Variants in GPHN observed in about 807,000 individuals in gnomAD.
GPHN encodes the protein gephyrin.
In GPHN, 17 loss-of-function variants were observed where a neutral mutation model predicts 95.5. That is an observed-to-expected ratio of 0.18 (90% CI 0.12 to 0.27). The LOEUF is 0.27. Ranked by LOEUF, GPHN falls within the 10% of genes least tolerant of loss-of-function variation. The probability of loss-of-function intolerance (pLI) is 1.00; values close to 1 mark genes in which losing one functional copy is unlikely to be tolerated. For synonymous variants in GPHN, 320 were observed against 322.5 expected (o/e 0.99, Z 0.08); for missense variants, 660 against 978.1 (o/e 0.67, Z 4.34).
the GPHN span, among the ~76,000 whole-genome samples, chr14:67,546,308 C>T: frequency 2.0e-5 from 3 of 152,196 alleles, no homozygotes; most frequent in East Asian, 3.9e-4. Flanking sequence ...TAAGGGTTGA[C>T]GAAGCCGAAT....
Position 67,023,662 on chromosome 14 carries a change from C to G in GPHN, c.993C>G (p.Asn331Lys). The G allele has an allele frequency of 6.2e-7, 1 of 1,612,948 alleles. No homozygotes were observed. The highest frequency in any genetic ancestry group is 8.5e-7 in the Non-Finnish European group (1 of 1,179,094). ...AGTCCAGGTGCAGCAGCAAGGAGAA[C>G]ATTCTCAGAGCCAGTAAGTATTTTA... ...KVQSRCSSKE[N>K]ILRASHSAVD... The change falls in exon 10 of 23, where the codon AAC (asparagine) becomes AAG (lysine). Residue 331 changes from asparagine to lysine, a missense_variant. This residue lies in a region of GPHN where 190 missense variants were observed against 224.7 expected (regional missense o/e 0.85). Coordinates refer to ENST00000478722, the MANE Select transcript of GPHN (RefSeq NM_020806.5).
the GPHN span, among the ~76,000 whole-genome samples, chr14:67,418,933 G>T: frequency 1.3e-5 from 2 of 152,168 alleles, no homozygotes; most frequent in South Asian, 4.1e-4. Flanking sequence ...GGCTTTGCTG[G>T]GGATGAGAGC....
chr14:67,423,034 T>C, the GPHN span, among the ~76,000 whole-genome samples: 1 of 151,916 alleles, frequency 6.6e-6, no homozygotes, highest in Non-Finnish European at 1.5e-5. Context: ...GGTTTCTTCA[T>C]GTTGTTCAGG....
chr14:67,278,336 C>A, the GPHN span, among the ~76,000 whole-genome samples: 2 of 149,906 alleles, frequency 1.3e-5, no homozygotes, highest in African/African-American at 5.0e-5. Context: ...GCACCCGGCC[C>A]AATTCTTTTT....
chr14:67,400,419 G>T, the GPHN span, among the ~76,000 whole-genome samples: 1 of 152,134 alleles, frequency 6.6e-6, no homozygotes, highest in African/African-American at 2.4e-5. Flanking sequence ...CATGTTTAAA[G>T]AAACAAAAAA....
the GPHN span, among the ~76,000 whole-genome samples, chr14:67,288,092 T>C: frequency 2.0e-5 from 3 of 151,992 alleles, no homozygotes; most frequent in East Asian, 5.8e-4. Context: ...CCTTTTTTTT[T>C]CCTTCGAGAC....
chr14:67,183,975 T>A (rs551222259), downstream of GPHN, among the ~76,000 whole-genome samples: 10 of 152,168 alleles, frequency 6.6e-5, no homozygotes, highest in South Asian at 1.7e-3. Flanking sequence ...CATCTCAGCC[T>A]CCTGAGTAGC....
the GPHN span, chr14:67,387,232 T>G: frequency 1.6e-6 from 2 of 1,229,500 alleles, no homozygotes; most frequent in Admixed American, 5.1e-5. Flanking sequence ...GTACAAAACT[T>G]ACAAAGAAGT....
At chr14:66,697,002 A>G (rs2068144503) in intron 2 of GPHN, among the ~76,000 whole-genome samples, 1 of 152,174 alleles carries the variant, frequency 6.6e-6, no homozygotes, top group African/African-American at 2.4e-5. Flanking sequence ...ATTTTTGTCA[A>G]TTTTGTGGGA....
the GPHN span, among the ~76,000 whole-genome samples, chr14:67,443,411 C>T: frequency 2.0e-5 from 3 of 152,044 alleles, no homozygotes; most frequent in Admixed American, 6.5e-5. Context: ...TTTTAATCAC[C>T]TGCAATTTTG....
rs61990906 is a variant in GPHN at position 67,045,721 on chromosome 14, G to C, written c.1007-12928G>C. 2.8e-5 allele frequency among the ~76,000 whole-genome samples: 4 copies of C among 141,498 alleles called. No homozygotes were observed. In the East Asian group the frequency reaches 6.4e-4, roughly 23 times the overall value. 92.8% of individuals were successfully genotyped at this position (141,498 alleles called of 152,430 possible). A position where few individuals can be genotyped will look rare whatever the true frequency, so the allele number is the denominator to read the frequency against. Reference sequence around the variant, plus strand: ...TCTCTGTCTCTGTCTCTCTCTCTCTGTCTGTCTCTCTCTCTCTGTCCATCT... The same window carrying C: ...TCTCTGTCTCTGTCTCTCTCTCTCTCTCTGTCTCTCTCTCTCTGTCCATCT... On this transcript the variant is annotated intron_variant, in intron 10 of 22. Transcript: ENST00000478722.
At chr14:66,567,737 C>T (rs990975521) in intron 1 of GPHN, among the ~76,000 whole-genome samples, 5 of 152,156 alleles carry the variant, frequency 3.3e-5, no homozygotes, top group Non-Finnish European at 7.4e-5. Flanking sequence ...ATATGCTCCA[C>T]TCAGTAACTA....
the GPHN span, chr14:67,380,639 T>G: frequency 7.3e-7 from 1 of 1,367,410 alleles, no homozygotes. Context: ...CTTTTGTTAT[T>G]TATTTATGTT....
intron 1 of GPHN, among the ~76,000 whole-genome samples, chr14:66,670,610 C>T (rs116999447): frequency 0.013 from 1,946 of 152,068 alleles, 27 homozygotes; most frequent in Middle Eastern, 0.017. Flanking sequence ...TGAGCAACAG[C>T]GAAACCCAGT....
At chr14:67,606,567 G>A in the GPHN span, among the ~76,000 whole-genome samples, 1 of 152,200 alleles carries the variant, frequency 6.6e-6, no homozygotes, top group Non-Finnish European at 1.5e-5. Context: ...TTGGAAATAA[G>A]TTACCTTTAT....
At chr14:67,439,561 C>CTT in the GPHN span, among the ~76,000 whole-genome samples, 3 of 138,054 alleles carry the variant, frequency 2.2e-5, no homozygotes, top group African/African-American at 6.2e-5. Context: ...TTCTTTCTTT[C>CTT]TTTCTTTCTT....
chr14:66,939,015 T>A (rs1230763723), intron 8 of GPHN, among the ~76,000 whole-genome samples: 2 of 152,192 alleles, frequency 1.3e-5, no homozygotes, highest in Non-Finnish European at 2.9e-5. Context: ...ATTTGAACTT[T>A]TATCTAACAC....
the GPHN span, among the ~76,000 whole-genome samples, chr14:67,187,486 A>C: frequency 1.3e-5 from 2 of 152,044 alleles, no homozygotes; most frequent in African/African-American, 4.8e-5. Context: ...TGCCACTACC[A>C]TGGCTTCTGC....
At chr14:67,685,002 A>G in the GPHN span, 4 of 1,595,488 alleles carry the variant, frequency 2.5e-6, no homozygotes, top group South Asian at 3.4e-5. Flanking sequence ...GCAAAAAGAG[A>G]TAACATTCAT....
Sources: allele counts gnomAD v4.1 joint callset (sites outside exome capture counted in the v4.1 genomes callset), GRCh38; gene constraint gnomAD v4.1.1; regional missense constraint gnomAD v4.1.1; transcripts MANE v1.5; gene names NCBI Gene and HGNC (gene_info 2026-07-23, HGNC 2026-07-21).